Variants in CSMD1 observed in about 807,000 individuals in gnomAD.
CSMD1 encodes CUB and Sushi multiple domains 1.
Under a neutral mutation model 417.5 loss-of-function variants are expected in CSMD1, and 213 were observed. That is an observed-to-expected ratio of 0.51 (90% confidence interval 0.46 to 0.57). The LOEUF (loss-of-function observed/expected upper bound fraction) is 0.57, where lower values mean the gene tolerates loss of function less well. Ranked by LOEUF, CSMD1 falls within the 20% of genes least tolerant of loss-of-function variation. The probability of loss-of-function intolerance (pLI) is 0.00; values close to 1 mark genes in which losing one functional copy is unlikely to be tolerated. For missense variants in CSMD1, 6,923 were observed against 4,529.7 expected (o/e 1.53, Z -15.17); for synonymous variants, 2,862 against 1,736.8 (o/e 1.65, Z -16.11).
intron 3 of CSMD1, among the ~76,000 whole-genome samples, chr8:4,038,395 T>A (rs1797725751): frequency 6.6e-6 from 1 of 152,178 alleles, no homozygotes; most frequent in Non-Finnish European, 1.5e-5. Flanking sequence ...GATGGAATTG[T>A]TGCTAGGTCT....
At chr8:3,879,843 G>A (rs2975344) in intron 5 of CSMD1, among the ~76,000 whole-genome samples, 1 of 139,886 alleles carries the variant, frequency 7.1e-6, no homozygotes, top group Non-Finnish European at 1.6e-5. Flanking sequence ...GTGCGTGTGT[G>A]TGTGTGTGTG....
At chr8:4,425,606 G>C (rs1397338360) in intron 2 of CSMD1, among the ~76,000 whole-genome samples, 1 of 152,116 alleles carries the variant, frequency 6.6e-6, no homozygotes. Context: ...ACTTCTGTGA[G>C]TATCCTTTCC....
At chr8:3,845,545 T>C (rs933956798) in intron 5 of CSMD1, among the ~76,000 whole-genome samples, 1 of 152,168 alleles carries the variant, frequency 6.6e-6, no homozygotes, top group African/African-American at 2.4e-5. Context: ...CAGAAGTTGC[T>C]CTGGGTGTCA....
intron 26 of CSMD1, among the ~76,000 whole-genome samples, chr8:3,241,461 G>T (rs989632476): frequency 6.6e-6 from 1 of 152,170 alleles, no homozygotes; most frequent in Non-Finnish European, 1.5e-5. Context: ...CTTCCGAGGT[G>T]ATCTGGCAGT....
At chr8:3,859,892 A>G (rs1273997590) in intron 5 of CSMD1, among the ~76,000 whole-genome samples, 3 of 152,176 alleles carry the variant, frequency 2.0e-5, no homozygotes, top group Admixed American at 6.5e-5. Context: ...GATGTTTAAC[A>G]TATATTCTTC....
chr8:2,957,657 T>C (rs1341462608), intron 63 of CSMD1, 39 bp downstream of exon 63: 5 of 1,234,240 alleles, frequency 4.1e-6, no homozygotes, highest in South Asian at 1.3e-5. Flanking sequence ...TCACAATAAA[T>C]AGGTGACTTG....
chr8:4,920,282 C>A (rs572188483), intron 1 of CSMD1, among the ~76,000 whole-genome samples: 168 of 152,088 alleles, frequency 1.1e-3, no homozygotes, highest in Non-Finnish European at 1.8e-3. Context: ...CTGAAATGAG[C>A]GATCCAAGGC....
intron 2 of CSMD1, among the ~76,000 whole-genome samples, chr8:4,555,087 T>C (rs1798030273): frequency 6.6e-6 from 1 of 152,222 alleles, no homozygotes; most frequent in Admixed American, 6.5e-5. Context: ...AATTTAGCTA[T>C]TTATTTTTAG....
intron 26 of CSMD1, among the ~76,000 whole-genome samples, chr8:3,255,347 T>C (rs1800573072): frequency 6.6e-6 from 1 of 152,138 alleles, no homozygotes; most frequent in South Asian, 2.1e-4. Context: ...GTCTGTCCAT[T>C]CTCAGATCTC....
chr8:3,040,573 G>A (rs562466395), intron 50 of CSMD1, among the ~76,000 whole-genome samples: 17 of 151,952 alleles, frequency 1.1e-4, no homozygotes, highest in Middle Eastern at 3.4e-3. Context: ...GGGAGGACGA[G>A]GCAGGTGGAT....
chr8:3,525,158 AG>A (rs1393603957), intron 10 of CSMD1, among the ~76,000 whole-genome samples: 5 of 152,156 alleles, frequency 3.3e-5, no homozygotes, highest in Admixed American at 2.6e-4. Flanking sequence ...GAGTCTCAGT[AG>A]GGTCTTCTTG....
At chr8:4,297,833 T>C (rs1195703453) in intron 3 of CSMD1, among the ~76,000 whole-genome samples, 4 of 152,220 alleles carry the variant, frequency 2.6e-5, no homozygotes, top group African/African-American at 9.6e-5. Context: ...TTTCTGAATA[T>C]GCCATTATAT....
chr8:3,615,794 GA>G (rs1012991901), intron 8 of CSMD1, among the ~76,000 whole-genome samples: 17 of 152,176 alleles, frequency 1.1e-4, no homozygotes, highest in African/African-American at 3.9e-4. Context: ...TTGTAAGAAG[GA>G]AAAACACATA....
At chr8:3,043,794 A>G (rs1302068784) in intron 50 of CSMD1, 1 of 152,464 alleles carries the variant, frequency 6.6e-6, no homozygotes, top group African/African-American at 2.4e-5. Flanking sequence ...CAAAAAACAC[A>G]TTATAAGGCA....
chr8:4,741,639 A>C (rs997224513), intron 1 of CSMD1, among the ~76,000 whole-genome samples: 5 of 152,200 alleles, frequency 3.3e-5, no homozygotes, highest in African/African-American at 1.2e-4. Flanking sequence ...AAGAACACAC[A>C]CGAGTTTACT....
intron 11 of CSMD1, among the ~76,000 whole-genome samples, chr8:3,481,762 C>T (rs1422989570): frequency 6.6e-6 from 1 of 152,144 alleles, no homozygotes; most frequent in African/African-American, 2.4e-5. Flanking sequence ...CAAGGAACGC[C>T]AGCAGCTGCC....
intron 15 of CSMD1, among the ~76,000 whole-genome samples, chr8:3,401,431 T>C (rs866203704): frequency 1.3e-5 from 2 of 152,176 alleles, no homozygotes; most frequent in African/African-American, 4.8e-5. Context: ...TGTTAGAACC[T>C]GAATTGCTTT....
chr8:3,715,426 A>T (rs1801775149), intron 6 of CSMD1, among the ~76,000 whole-genome samples: 1 of 152,094 alleles, frequency 6.6e-6, no homozygotes, highest in South Asian at 2.1e-4. Context: ...TGGTTCCGTC[A>T]TTTTTCTCCT....
intron 3 of CSMD1, among the ~76,000 whole-genome samples, chr8:4,348,356 C>G (rs1329569292): frequency 6.6e-6 from 1 of 151,934 alleles, no homozygotes; most frequent in Admixed American, 6.6e-5. Flanking sequence ...GGAATCCACC[C>G]AAGTGTACTA....
Sources: gnomAD v4.1 joint callset for allele counts (sites outside exome capture counted in the v4.1 genomes callset) on GRCh38, gnomAD v4.1.1 for gene constraint, MANE v1.5 for transcripts, NCBI Gene and HGNC (gene_info 2026-07-23, HGNC 2026-07-21) for gene names.